The following ADIPOR2 variants were observed in gnomAD, a reference collection of about 807,000 sequenced individuals.
ADIPOR2 encodes adiponectin receptor 2.
A neutral mutation model predicts 40.9 loss-of-function variants in ADIPOR2; 18 were observed. That is an observed-to-expected ratio of 0.44 (90% CI 0.30 to 0.65). The LOEUF (loss-of-function observed/expected upper bound fraction) is 0.65. Among genes scored for constraint, ADIPOR2 ranks in the 30% least tolerant of loss-of-function variants. ADIPOR2 has a pLI of 0.09. For missense variants in ADIPOR2, 283 were observed against 479.2 expected, an observed-to-expected ratio of 0.59 and a Z score of 3.82; for synonymous variants, 165 against 166.4, an observed-to-expected ratio of 0.99 and a Z score of 0.06.
At chr12:1,746,794 C>G (rs34745668) in intron 1 of ADIPOR2, among the ~76,000 whole-genome samples, 16,289 of 152,212 alleles carry the variant, frequency 0.11, 1,161 homozygotes, top group Admixed American at 0.22. Flanking sequence ...TTTTACGAGA[C>G]TGAAGTGGGA....
At chr12:1,757,819 A>C (rs1401191307) in intron 2 of ADIPOR2, 1 of 848,164 alleles carries the variant, frequency 1.2e-6, no homozygotes, top group African/African-American at 1.7e-5. Flanking sequence ...GAACCTCTGC[A>C]TGTAATCTTC....
At chr12:1,701,495 A>G (rs1175730704) in intron 1 of ADIPOR2, among the ~76,000 whole-genome samples, 1 of 152,174 alleles carries the variant, frequency 6.6e-6, no homozygotes, top group Non-Finnish European at 1.5e-5. Context: ...ATTGCTTTGC[A>G]TATTTTCAGA....
chr12:1,724,911 TAACAGATAATGACTGAAC>T (rs1261337551), intron 1 of ADIPOR2, among the ~76,000 whole-genome samples: 12 of 152,226 alleles, frequency 7.9e-5, no homozygotes, highest in Admixed American at 5.9e-4. Flanking sequence ...TTCATTCATT[TAACAGATAATGACTGAAC>T]AACTGTTAGG....
At chr12:1,782,976 C>CTTTTTTTTTTTTTTTTT (rs71055199) in intron 6 of ADIPOR2, among the ~76,000 whole-genome samples, 9 of 109,756 alleles carry the variant, frequency 8.2e-5, no homozygotes, top group Non-Finnish European at 1.6e-4. Flanking sequence ...TTCTTTCTTT[C>CTTTTTTTTTTTTTTTTT]TTTTTTTTTT....
chr12:1,754,794 A>C (rs953626352), intron 2 of ADIPOR2, among the ~76,000 whole-genome samples: 3 of 151,852 alleles, frequency 2.0e-5, no homozygotes, highest in African/African-American at 7.3e-5. Context: ...GTGCAGTAGC[A>C]TGATCTCGGC....
intron 1 of ADIPOR2, among the ~76,000 whole-genome samples, chr12:1,691,721 G>T (rs1447726562): frequency 6.6e-6 from 1 of 152,146 alleles, no homozygotes; most frequent in East Asian, 1.9e-4. Flanking sequence ...TTGGTACCTG[G>T]AGTCCTGTTT....
rs949844824 is a variant in ADIPOR2 at position 1,788,328 on chromosome 12, A to C, written c.*2256A>C. On this transcript the variant is annotated 3_prime_UTR_variant, in exon 8 of 8. Transcript: ENST00000357103. The stretch of plus-strand genomic sequence containing the variant: ...CGTGCAGCTCACTACCAACAGCCTC[A>C]TGTGCACTTGACCTGACAGTGCTCG... 14 of 152,630 alleles carry C rather than the reference A, an allele frequency of 9.2e-5. No homozygotes were observed. Among genetic ancestry groups the C allele is most frequent in the African/African-American group, 2.2e-4 (9 of 41,454 alleles). The allele number at this position is 152,630 out of a possible 1,614,324, so 9.5% of individuals were successfully genotyped here.
rs529009228 is a variant in ADIPOR2, at chr12:1,761,963, C to T, written c.171+7449C>T. Among the ~76,000 whole-genome samples, 362 of 152,338 alleles carry T rather than the reference C, an allele frequency of 2.4e-3. 2 individuals are homozygous for T. Among genetic ancestry groups the T allele is most frequent in the African/African-American group, 8.1e-3 (336 of 41,582 alleles). On this transcript the variant is annotated intron_variant, in intron 2 of 7. Transcript: ENST00000357103. ...AATCCCAAATTCTTTCTATAACCTTCGGGATCCTGCGTGATCTCACTGCTG... is the reference window on the plus strand; with the variant it reads ...AATCCCAAATTCTTTCTATAACCTTTGGGATCCTGCGTGATCTCACTGCTG...
At chr12:1,692,105 C>G (rs2094628383) in intron 1 of ADIPOR2, among the ~76,000 whole-genome samples, 1 of 145,148 alleles carries the variant, frequency 6.9e-6, no homozygotes, top group South Asian at 2.2e-4. Flanking sequence ...TTTTTATCAC[C>G]CCTTCCCCTC....
Position 1,788,668 on chromosome 12 carries a change from A to G in ADIPOR2, c.*2596A>G, listed in dbSNP as rs1255090133. 1 of 152,510 alleles carries G rather than the reference A, an allele frequency of 6.6e-6. No individual in the cohort carries two copies. The highest frequency in any genetic ancestry group is 1.5e-5 in the Non-Finnish European group (1 of 68,028). The allele number at this position is 152,510 out of a possible 1,614,324, so 9.4% of individuals were successfully genotyped here. A position where few individuals can be genotyped will look rare whatever the true frequency, so the allele number is the denominator to read the frequency against. ...TCTCAGTTTCTAATAAAAAGAACCA[A>G]ATGAAATATGACCTGTCGTGTGTTT... On this transcript the variant is annotated 3_prime_UTR_variant, in exon 8 of 8. Coordinates refer to ENST00000357103, the MANE Select transcript of ADIPOR2 (RefSeq NM_024551.3).
chr12:1,772,742 G>A (rs1862513580), intron 2 of ADIPOR2, 100 bp from the exon 3 acceptor site: 1 of 1,423,330 alleles, frequency 7.0e-7, no homozygotes, highest in Admixed American at 2.3e-5. Flanking sequence ...GCCTTGTTTT[G>A]ACCTTAAGAA....
At chr12:1,770,638 A>C (rs1004471786) in intron 2 of ADIPOR2, among the ~76,000 whole-genome samples, 5 of 152,228 alleles carry the variant, frequency 3.3e-5, no homozygotes, top group African/African-American at 1.2e-4. Flanking sequence ...TTTAGCCATC[A>C]TGTAAGTATG....
chr12:1,741,819 A>G (rs553214467), intron 1 of ADIPOR2, among the ~76,000 whole-genome samples: 21 of 152,346 alleles, frequency 1.4e-4, no homozygotes, highest in African/African-American at 4.8e-4. Context: ...CTTTAGTGCT[A>G]GAGTTCTTTT....
chr12:1,715,549 T>C (rs1271001275), intron 1 of ADIPOR2, among the ~76,000 whole-genome samples: 1 of 152,146 alleles, frequency 6.6e-6, no homozygotes, highest in African/African-American at 2.4e-5. Flanking sequence ...AACCGGACCA[T>C]TGTCGCTTTG....
At chr12:1,709,246 A>G (rs2094670938) in intron 1 of ADIPOR2, among the ~76,000 whole-genome samples, 1 of 152,040 alleles carries the variant, frequency 6.6e-6, no homozygotes, top group African/African-American at 2.4e-5. Context: ...AAAATGGTGT[A>G]TCTTATTATT....
chr12:1,725,123 T>A (rs1244184387), intron 1 of ADIPOR2, among the ~76,000 whole-genome samples: 1 of 61,364 alleles, frequency 1.6e-5, no homozygotes, highest in Non-Finnish European at 3.9e-5. Flanking sequence ...ACCGCAAACT[T>A]TCTTTTTTTT....
chr12:1,721,909 A>G (rs144441432), intron 1 of ADIPOR2, among the ~76,000 whole-genome samples: 192 of 152,356 alleles, frequency 1.3e-3, no homozygotes, highest in Middle Eastern at 3.4e-3. Context: ...GGCAAGGGGT[A>G]GAGTGGTGCA....
intron 2 of ADIPOR2, chr12:1,757,174 C>G (rs1862150637): frequency 3.2e-6 from 1 of 312,382 alleles, no homozygotes; most frequent in Non-Finnish European, 5.9e-6. Context: ...TTCTGTTTAT[C>G]ATGCTACATT....
At chr12:1,719,363 A>G (rs1046841257) in intron 1 of ADIPOR2, among the ~76,000 whole-genome samples, 5 of 152,208 alleles carry the variant, frequency 3.3e-5, no homozygotes. Context: ...TTTAAGTGCT[A>G]TCATGCATTT....
Sources: allele counts gnomAD v4.1 joint callset (sites outside exome capture counted in the v4.1 genomes callset), GRCh38; gene constraint gnomAD v4.1.1; transcripts MANE v1.5; gene names NCBI Gene and HGNC (gene_info 2026-07-23, HGNC 2026-07-21).